The following CACNA1A variants were observed in gnomAD, a reference collection of about 807,000 sequenced individuals.
The protein encoded by CACNA1A is voltage-dependent P/Q-type calcium channel subunit alpha-1A.
In CACNA1A, 57 loss-of-function variants were observed where a neutral mutation model predicts 262.4. The observed-to-expected ratio is 0.22, with a 90% CI of 0.18 to 0.27. CACNA1A has a LOEUF of 0.27. CACNA1A is among the 10% of genes least tolerant of loss of function. The pLI is 1.00. For synonymous variants in CACNA1A, 1,431 were observed against 1,419.3 expected, an observed-to-expected ratio of 1.01 and a Z score of -0.18; for missense variants, 2,526 against 3,562.8, an observed-to-expected ratio of 0.71 and a Z score of 7.41.
intron 3 of CACNA1A, among the ~76,000 whole-genome samples, chr19:13,392,042 A>AG (rs1251345956): frequency 1.3e-5 from 2 of 150,930 alleles, no homozygotes; most frequent in African/African-American, 2.4e-5. Context: ...AAAAAAAAAA[A>AG]AAAAAGAAAA....
intron 1 of CACNA1A, among the ~76,000 whole-genome samples, chr19:13,472,702 AC>A (rs1448388550): frequency 6.6e-6 from 1 of 152,142 alleles, no homozygotes; most frequent in Non-Finnish European, 1.5e-5. Context: ...GTACCCCTGT[AC>A]TTCTAATTAT....
chr19:13,502,763 G>C (rs1982536816), intron 1 of CACNA1A, among the ~76,000 whole-genome samples: 1 of 152,158 alleles, frequency 6.6e-6, no homozygotes, highest in Non-Finnish European at 1.5e-5. Context: ...ACCCACTGAG[G>C]GATGAAAGAG....
At chr19:13,295,492 TTTC>T (rs1412844036) in intron 19 of CACNA1A, among the ~76,000 whole-genome samples, 196 of 145,540 alleles carry the variant, frequency 1.3e-3, no homozygotes, top group Middle Eastern at 7.3e-3. Context: ...TCTTTCTTTC[TTTC>T]TTTTTTTTTT....
intron 19 of CACNA1A, among the ~76,000 whole-genome samples, chr19:13,290,510 C>A (rs1048031797): frequency 6.6e-6 from 1 of 151,996 alleles, no homozygotes; most frequent in Admixed American, 6.6e-5. Context: ...ACTTTTAACT[C>A]CTGGGCTCAA....
intron 6 of CACNA1A, among the ~76,000 whole-genome samples, chr19:13,342,951 GT>G (rs2058700530): frequency 6.6e-6 from 1 of 152,006 alleles, no homozygotes; most frequent in South Asian, 2.1e-4. Flanking sequence ...TAGAGAGGGG[GT>G]CTCTGTTGCC....
chr19:13,498,755 C>A (rs2145162929), intron 1 of CACNA1A, among the ~76,000 whole-genome samples: 1 of 152,302 alleles, frequency 6.6e-6, no homozygotes, highest in East Asian at 1.9e-4. Flanking sequence ...AAGTAACTGA[C>A]TCTCCCCCTT....
chr19:13,388,350 G>C lies in CACNA1A; in HGVS notation c.540-16571C>G, dbSNP rs971134593. Among the ~76,000 whole-genome samples, 4 of 145,984 alleles carry C rather than the reference G, an allele frequency of 2.7e-5. No homozygotes were observed. Among genetic ancestry groups the C allele is most frequent in the Non-Finnish European group, 4.5e-5 (3 of 67,242 alleles). Reference sequence around the variant, plus strand: ...AGCTCAATGCAACCTCTGCCTCCCGGGTTCAAGTGATTTTCCTGCCTCAGC... The same window carrying C: ...AGCTCAATGCAACCTCTGCCTCCCGCGTTCAAGTGATTTTCCTGCCTCAGC... On this transcript the variant is annotated intron_variant, in intron 3 of 46. Transcript: ENST00000360228.
chr19:13,238,771 G>A (rs141384851), intron 31 of CACNA1A, among the ~76,000 whole-genome samples: 1,741 of 152,110 alleles, frequency 0.011, 35 homozygotes, highest in African/African-American at 0.04. Context: ...TTTTTTAGGA[G>A]AGATGGGGTT....
intron 25 of CACNA1A, 132 bp downstream of exon 25, chr19:13,262,602 C>T: frequency 3.1e-6 from 2 of 646,578 alleles, no homozygotes; most frequent in Non-Finnish European, 5.7e-6. Context: ...ATACAAATAT[C>T]CATACACGAT....
rs554455514 is a variant in CACNA1A, at chr19:13,348,566, A to G, written c.978+11040T>C. 2.3e-4 allele frequency among the ~76,000 whole-genome samples: 35 copies of G among 151,966 alleles called. No individual in the cohort carries two copies. The East Asian group carries it at 2.7e-3, about 12-fold the overall frequency. ...AAAAATACAAAAAATTGGCAGGCAC[A>G]GTGGCTCACGCCTGTAATCCCGGCA... On this transcript the variant is annotated intron_variant, in intron 6 of 46. Transcript: ENST00000360228.
chr19:13,472,973 CCA>C (rs1328953298), intron 1 of CACNA1A, among the ~76,000 whole-genome samples: 1 of 152,098 alleles, frequency 6.6e-6, no homozygotes, highest in East Asian at 1.9e-4. Context: ...ACAGAAGAGG[CCA>C]GGTGCAGTGG....
In CACNA1A at chr19:13,365,414, G is replaced by A. The variant is rs544057763; in HGVS notation, c.687C>T (p.Ile229=). The A allele has an allele frequency of 3.2e-5, 52 of 1,613,648 alleles. No homozygotes were observed. Among genetic ancestry groups the A allele is most frequent in the Admixed American group, 6.7e-5 (4 of 60,006 alleles). The stretch of plus-strand genomic sequence containing the variant: ...GGATTGCAAAAAATAGGAGGAGGCC[G>A]ATCTGCAGCAAAGGGATCATCGCCT... The part of the protein sequence containing the change: ...IMKAMIPLLQ[I]GLLLFFAILI... The change falls in exon 5 of 47, where the codon ATC becomes ATT. Residue 229 remains isoleucine, a synonymous_variant. Transcript: ENST00000360228.
intron 30 of CACNA1A, among the ~76,000 whole-genome samples, chr19:13,250,302 T>A (rs1266817667): frequency 6.6e-6 from 1 of 152,028 alleles, no homozygotes; most frequent in Admixed American, 6.6e-5. Context: ...TCAAGGGATC[T>A]GCCCTCCTCA....
chr19:13,291,798 CTG>C (rs934087471), intron 19 of CACNA1A, among the ~76,000 whole-genome samples: 3 of 151,858 alleles, frequency 2.0e-5, no homozygotes, highest in Non-Finnish European at 2.9e-5. Flanking sequence ...CAGAGCAAGA[CTG>C]TTTTTTTTTA....
At chr19:13,283,228 G>C in intron 22 of CACNA1A, 39 bp downstream of exon 22, 1 of 1,603,226 alleles carries the variant, frequency 6.2e-7, no homozygotes, top group African/African-American at 1.3e-5. Flanking sequence ...CTGAGGCAGA[G>C]CAGCCAGGCT....
At chr19:13,282,265 C>T (rs189502653) in intron 22 of CACNA1A, among the ~76,000 whole-genome samples, 1 of 152,130 alleles carries the variant, frequency 6.6e-6, no homozygotes, top group African/African-American at 2.4e-5. Context: ...CCTACTTAGC[C>T]AGGGCAGCAG....
chr19:13,486,605 G>A (rs1980026097), intron 1 of CACNA1A, among the ~76,000 whole-genome samples: 1 of 152,046 alleles, frequency 6.6e-6, no homozygotes, highest in African/African-American at 2.4e-5. Flanking sequence ...GAACTGGAGA[G>A]ACAGAAAAAA....
chr19:13,381,973 T>C (rs1181232008), intron 3 of CACNA1A, among the ~76,000 whole-genome samples: 8 of 152,140 alleles, frequency 5.3e-5, no homozygotes, highest in Admixed American at 4.6e-4. Context: ...TATTAAAATA[T>C]GATCTCTCTA....
chr19:13,310,250 T>C (rs951681723), intron 12 of CACNA1A, among the ~76,000 whole-genome samples: 12 of 150,830 alleles, frequency 8.0e-5, no homozygotes, highest in Non-Finnish European at 4.4e-5. Context: ...GAGATCAGGA[T>C]TTCGAGACCA....
Sources: gnomAD v4.1 joint callset for allele counts (sites outside exome capture counted in the v4.1 genomes callset) on GRCh38, gnomAD v4.1.1 for gene constraint, MANE v1.5 for transcripts, NCBI Gene and HGNC (gene_info 2026-07-23, HGNC 2026-07-21) for gene names.